Variants in NBAS observed in about 807,000 individuals in gnomAD.
The protein encoded by NBAS is NAG/BC035112 fusion.
A neutral mutation model predicts 302.5 loss-of-function variants in NBAS; 219 were observed. That is an observed-to-expected ratio of 0.72 (90% CI 0.65 to 0.81). The LOEUF is 0.81. Among genes scored for constraint, NBAS ranks in the 30% least tolerant of loss-of-function variants. The pLI is 0.00. For synonymous variants in NBAS, 1,118 were observed against 1,021.6 expected, an observed-to-expected ratio of 1.09 and a Z score of -1.80; for missense variants, 2,932 against 2,841.6, an observed-to-expected ratio of 1.03 and a Z score of -0.72.
At chr2:14,917,044 C>T in the NBAS span, among the ~76,000 whole-genome samples, 13,236 of 152,258 alleles carry the variant, frequency 0.087, 653 homozygotes, top group African/African-American at 0.11. Flanking sequence ...ATTTTACCTA[C>T]ATGGAAAGGG....
the NBAS span, among the ~76,000 whole-genome samples, chr2:14,925,826 T>C: frequency 7.3e-3 from 1,111 of 152,362 alleles, 14 homozygotes; most frequent in African/African-American, 0.025. Context: ...TGTCATACTA[T>C]AGAAGAATTA....
At chr2:15,272,841 G>A (rs1669382872) in intron 44 of NBAS, among the ~76,000 whole-genome samples, 1 of 152,084 alleles carries the variant, frequency 6.6e-6, no homozygotes. Context: ...ATATTTTCAG[G>A]GGTTGGCGGA....
the NBAS span, among the ~76,000 whole-genome samples, chr2:15,100,002 A>T: frequency 2.6e-5 from 4 of 152,232 alleles, no homozygotes; most frequent in African/African-American, 7.2e-5. Flanking sequence ...GCTGGATTAA[A>T]GTGCAGATGT....
intron 31 of NBAS, among the ~76,000 whole-genome samples, chr2:15,368,972 C>T (rs1674355796): frequency 5.3e-5 from 8 of 152,114 alleles, no homozygotes; most frequent in Admixed American, 5.2e-4. Context: ...AAAAACTCAC[C>T]GATACAGTAT....
chr2:15,326,207 A>G (rs1443454281), intron 38 of NBAS, among the ~76,000 whole-genome samples: 3 of 152,240 alleles, frequency 2.0e-5, no homozygotes. Flanking sequence ...TGACACAGAC[A>G]TGAAATGAGC....
chr2:14,897,494 C>T, the NBAS span, among the ~76,000 whole-genome samples: 4 of 152,130 alleles, frequency 2.6e-5, no homozygotes, highest in Non-Finnish European at 4.4e-5. Flanking sequence ...ACCCCAAGGA[C>T]GTTATAATGA....
chr2:14,928,251 A>T, the NBAS span, among the ~76,000 whole-genome samples: 1 of 152,140 alleles, frequency 6.6e-6, no homozygotes, highest in African/African-American at 2.4e-5. Flanking sequence ...TCTGCCTTTG[A>T]TTCCAAATGC....
chr2:14,820,240 T>A, the NBAS span, among the ~76,000 whole-genome samples: 1 of 152,186 alleles, frequency 6.6e-6, no homozygotes, highest in Admixed American at 6.5e-5. Flanking sequence ...CTGTTTACAA[T>A]AGCTAAGATT....
the NBAS span, among the ~76,000 whole-genome samples, chr2:14,942,999 G>A: frequency 3.9e-5 from 6 of 152,194 alleles, no homozygotes; most frequent in Non-Finnish European, 5.9e-5. Context: ...CAAAGGGAAC[G>A]CAAAGGTGGG....
At chr2:15,481,023 T>C (rs1168025414) in intron 12 of NBAS, among the ~76,000 whole-genome samples, 3 of 152,216 alleles carry the variant, frequency 2.0e-5, no homozygotes, top group African/African-American at 7.2e-5. Context: ...ATCTGCTTCC[T>C]ATCTCTATGG....
chr2:15,057,393 CTT>C, the NBAS span, among the ~76,000 whole-genome samples: 301 of 148,404 alleles, frequency 2.0e-3, 1 homozygote, highest in African/African-American at 5.4e-3. Context: ...CCTTTGATAC[CTT>C]TTTTTTTTAA....
At chr2:15,089,271 G>A in the NBAS span, among the ~76,000 whole-genome samples, 1 of 151,990 alleles carries the variant, frequency 6.6e-6, no homozygotes, top group South Asian at 2.1e-4. Flanking sequence ...ATGAGCCACC[G>A]CACCTAGCCC....
chr2:15,087,185 C>A, the NBAS span, among the ~76,000 whole-genome samples: 1 of 149,530 alleles, frequency 6.7e-6, no homozygotes, highest in Non-Finnish European at 1.5e-5. Context: ...AGCCAGCCTC[C>A]ATATCATGTG....
At chr2:15,010,442 C>T in the NBAS span, among the ~76,000 whole-genome samples, 2 of 152,104 alleles carry the variant, frequency 1.3e-5, no homozygotes, top group African/African-American at 4.8e-5. Context: ...GCAGGGAACC[C>T]TCCCACCCCC....
At chr2:15,534,495 G>T (rs2148680534) in intron 9 of NBAS, 48 bp downstream of exon 9, 2 of 1,325,258 alleles carry the variant, frequency 1.5e-6, no homozygotes, top group Non-Finnish European at 2.2e-6. Flanking sequence ...CTGAATCTAT[G>T]CCAACATTTC....
the NBAS span, among the ~76,000 whole-genome samples, chr2:14,900,112 C>CTTTTTTTT: frequency 1.8e-4 from 26 of 140,634 alleles, 1 homozygote; most frequent in African/African-American, 3.4e-4. Flanking sequence ...AAGTCACATG[C>CTTTTTTTT]TTTTTTTTTT....
At chr2:15,152,840 T>C in the NBAS span, among the ~76,000 whole-genome samples, 2 of 152,230 alleles carry the variant, frequency 1.3e-5, no homozygotes, top group African/African-American at 4.8e-5. Context: ...AGTTGATATA[T>C]AGTCAGTAGA....
intron 38 of NBAS, among the ~76,000 whole-genome samples, chr2:15,323,877 C>CA (rs1173399497): frequency 7.2e-6 from 1 of 138,180 alleles, no homozygotes; most frequent in Non-Finnish European, 1.6e-5. Flanking sequence ...CAAAACAAAA[C>CA]AAAAAAACCC....
chr2:14,872,624 C>T, the NBAS span, among the ~76,000 whole-genome samples: 1 of 151,726 alleles, frequency 6.6e-6, no homozygotes, highest in African/African-American at 2.4e-5. Flanking sequence ...ACCTTTAGAC[C>T]TTCGGGGTGA....
Sources: gnomAD v4.1 joint callset for allele counts (sites outside exome capture counted in the v4.1 genomes callset) on GRCh38, gnomAD v4.1.1 for gene constraint, MANE v1.5 for transcripts, NCBI Gene and HGNC (gene_info 2026-07-23, HGNC 2026-07-21) for gene names.